The following IMPG1 variants were observed in gnomAD, a reference collection of about 807,000 sequenced individuals.
The protein encoded by IMPG1 is interphotoreceptor matrix proteoglycan 1, also known as interphotoreceptor matrix proteoglycan of 150 kDa.
IMPG1 carries 85 observed loss-of-function variants against 92.0 expected under a neutral mutation model. The observed-to-expected ratio is 0.92, with a 90% CI of 0.78 to 1.11. The LOEUF is 1.11. IMPG1 is among the 50% of genes least tolerant of loss of function. The pLI, the probability that IMPG1 is intolerant of heterozygous loss-of-function variation, is 0.00. For synonymous variants in IMPG1, 367 were observed against 334.1 expected (o/e 1.10, Z -1.08); for missense variants, 1,022 against 956.0 (o/e 1.07, Z -0.91).
intron 14 of IMPG1, among the ~76,000 whole-genome samples, chr6:75,932,112 A>G (rs1007492966): frequency 1.6e-4 from 25 of 152,256 alleles, no homozygotes; most frequent in Admixed American, 1.5e-3. Flanking sequence ...AGAGCTAGGG[A>G]ACAGGCAACA....
At chr6:76,057,087 C>T (rs1255477848) in intron 1 of IMPG1, among the ~76,000 whole-genome samples, 1 of 151,998 alleles carries the variant, frequency 6.6e-6, no homozygotes, top group Non-Finnish European at 1.5e-5. Context: ...TAAGTGGGTG[C>T]TAAATGATGA....
intron 1 of IMPG1, among the ~76,000 whole-genome samples, chr6:76,057,378 C>T (rs1047604486): frequency 6.6e-5 from 10 of 152,072 alleles, no homozygotes; most frequent in African/African-American, 9.7e-5. Context: ...CAGTGGGGAC[C>T]GGGGTGCTTG....
chr6:76,003,840 TC>T (rs1307625084), intron 11 of IMPG1, 33 bp downstream of exon 11: 1 of 1,512,554 alleles, frequency 6.6e-7, no homozygotes, highest in East Asian at 2.3e-5. Flanking sequence ...GAGACTTTGT[TC>T]CTAGTTAAAG....
At chr6:76,065,472 C>G (rs1165580959) in intron 1 of IMPG1, among the ~76,000 whole-genome samples, 1 of 151,876 alleles carries the variant, frequency 6.6e-6, no homozygotes, top group Admixed American at 6.6e-5. Context: ...ATAGACTAGA[C>G]CAAGTGAAAG....
rs550621316 is a variant in IMPG1 at position 75,965,829 on chromosome 6, G to A, written c.1292-14735C>T. 7.9e-5 allele frequency among the ~76,000 whole-genome samples: 12 copies of A among 152,008 alleles called. No homozygotes were observed. The South Asian group carries it at 2.1e-3, about 26-fold the overall frequency. On this transcript the variant is annotated intron_variant, in intron 12 of 16. Coordinates refer to ENST00000369950, the MANE Select transcript of IMPG1 (RefSeq NM_001563.4). The stretch of plus-strand genomic sequence containing the variant: ...TCACCGTGTTAGCCAGGATGGTCTC[G>A]ATCTCCTGACCTTGTGATCTGCCCG...
chr6:75,929,683 A>C (rs940984207), intron 15 of IMPG1, among the ~76,000 whole-genome samples: 1 of 152,008 alleles, frequency 6.6e-6, no homozygotes, highest in African/African-American at 2.4e-5. Flanking sequence ...CATGTACCCT[A>C]AAACTTAAAG....
chr6:75,990,966 A>C (rs1459680831), intron 12 of IMPG1, among the ~76,000 whole-genome samples: 2 of 152,166 alleles, frequency 1.3e-5, no homozygotes, highest in Non-Finnish European at 2.9e-5. Flanking sequence ...TGCTGATCAC[A>C]TTGTATACCT....
intron 1 of IMPG1, among the ~76,000 whole-genome samples, chr6:76,049,390 G>A (rs1218977557): frequency 6.6e-6 from 1 of 152,130 alleles, no homozygotes; most frequent in African/African-American, 2.4e-5. Context: ...CAAGACAAAA[G>A]CAAGGTCCTA....
At chr6:76,040,923 A>G (rs1436299096) in intron 2 of IMPG1, among the ~76,000 whole-genome samples, 2 of 152,180 alleles carry the variant, frequency 1.3e-5, no homozygotes, top group African/African-American at 4.8e-5. Flanking sequence ...CACAGGCTGG[A>G]ATTGAACAAG....
chr6:76,056,578 T>C (rs752956070), intron 1 of IMPG1, among the ~76,000 whole-genome samples: 1 of 152,164 alleles, frequency 6.6e-6, no homozygotes, highest in Non-Finnish European at 1.5e-5. Context: ...GTATGGTAAT[T>C]CTATTTTTAA....
chr6:76,041,972 G>T lies in IMPG1; in HGVS notation c.222C>A (p.Phe74Leu), dbSNP rs780783100. Residue 74 changes from phenylalanine to leucine, a missense_variant, in exon 2 of 17, where the codon TTC becomes TTA. Coordinates refer to ENST00000369950, the MANE Select transcript of IMPG1 (RefSeq NM_001563.4). ...AKHRTKRSAF[F>L]PTGVKVCPQE... Reference sequence around the variant, plus strand: ...GTGGACAGACTTTAACCCCCGTTGGGAAAAATGCGGATCTTTTTGTTCGAT... The same window carrying T: ...GTGGACAGACTTTAACCCCCGTTGGTAAAAATGCGGATCTTTTTGTTCGAT... 6.2e-7 allele frequency: 1 copy of T among 1,613,944 alleles called. No individual in the cohort carries two copies. The highest frequency in any genetic ancestry group is 8.5e-7 in the Non-Finnish European group (1 of 1,179,904).
intron 15 of IMPG1, chr6:75,928,584 A>G (rs1009175697): frequency 6.6e-6 from 1 of 152,128 alleles, no homozygotes; most frequent in Non-Finnish European, 1.5e-5. Context: ...TGCTTGTGCT[A>G]TTTCTTTCCC....
chr6:76,031,922 G>A (rs1206482572), intron 4 of IMPG1, among the ~76,000 whole-genome samples: 9 of 152,180 alleles, frequency 5.9e-5, no homozygotes, highest in South Asian at 4.1e-4. Flanking sequence ...TACCATCACC[G>A]AGGATCTGTA....
Position 76,058,075 on chromosome 6 carries a change from A to C in IMPG1, c.67+14347T>G, listed in dbSNP as rs115171966. 7.3e-3 allele frequency among the ~76,000 whole-genome samples: 1,109 copies of C among 152,220 alleles called. 12 individuals are homozygous for C. The highest frequency in any genetic ancestry group is 0.025 in the African/African-American group (1,039 of 41,564). The stretch of plus-strand genomic sequence containing the variant: ...TTGCCAGTGAATTTTGTGAGTCCCT[A>C]GCATATTTTGGACATTAACCCTTTA... On this transcript the variant is annotated intron_variant, in intron 1 of 16. Transcript: ENST00000369950.
Position 75,965,707 on chromosome 6 carries a change from A to G in IMPG1, c.1292-14613T>C, listed in dbSNP as rs554970616. 6.5e-3 allele frequency among the ~76,000 whole-genome samples: 897 copies of G among 138,970 alleles called. 7 individuals carry two copies. Among genetic ancestry groups the G allele is most frequent in the African/African-American group, 0.023 (844 of 37,046 alleles). 91.2% of individuals were successfully genotyped at this position (138,970 alleles called of 152,430 possible). ...TACTGCAAGCTCCGCCTCTGGGTTC[A>G]CGCCATTCTCCTGCCTCAGCCTCCT... On this transcript the variant is annotated intron_variant, in intron 12 of 16. Coordinates refer to ENST00000369950, the MANE Select transcript of IMPG1 (RefSeq NM_001563.4).
chr6:75,973,048 T>G (rs1277466302), intron 12 of IMPG1, among the ~76,000 whole-genome samples: 1 of 152,326 alleles, frequency 6.6e-6, no homozygotes, highest in East Asian at 1.9e-4. Context: ...CATGGCTCAA[T>G]GCAGCCTCGG....
chr6:75,935,569 A>G (rs1781731900), intron 14 of IMPG1, among the ~76,000 whole-genome samples: 1 of 152,080 alleles, frequency 6.6e-6, no homozygotes. Context: ...ACTTACCACC[A>G]AGGCTTTGTG....
chr6:76,037,271 G>A (rs1180213736), intron 2 of IMPG1, among the ~76,000 whole-genome samples: 3 of 152,160 alleles, frequency 2.0e-5, no homozygotes, highest in Non-Finnish European at 4.4e-5. Flanking sequence ...ATCAACAGAA[G>A]CTCAGGTCAT....
chr6:75,938,298 A>T (rs1045605054), intron 14 of IMPG1, among the ~76,000 whole-genome samples: 4 of 152,220 alleles, frequency 2.6e-5, no homozygotes, highest in Admixed American at 2.0e-4. Context: ...TAAAAATCCC[A>T]TGAGAGTTTT....
Sources: allele counts gnomAD v4.1 joint callset (sites outside exome capture counted in the v4.1 genomes callset), GRCh38; gene constraint gnomAD v4.1.1; transcripts MANE v1.5; gene names NCBI Gene and HGNC (gene_info 2026-07-23, HGNC 2026-07-21).